The following ST3GAL1 variants were observed in gnomAD, a reference collection of about 807,000 sequenced individuals.
ST3GAL1 encodes CMP-N-acetylneuraminate-beta-galactosamide-alpha-2,3-sialyltransferase 1.
ST3GAL1 carries 16 observed loss-of-function variants against 34.1 expected under a neutral mutation model. The ratio of observed to expected loss-of-function variants is 0.47; its 90% CI spans 0.32 to 0.71. ST3GAL1 has a LOEUF of 0.71. Ranked by LOEUF, ST3GAL1 falls within the 30% of genes least tolerant of loss-of-function variation. ST3GAL1 has a pLI of 0.04. For missense variants in ST3GAL1, 353 were observed against 447.4 expected (o/e 0.79, Z 1.90); for synonymous variants, 191 against 184.7 (o/e 1.03, Z -0.28).
chr8:133,486,412 G>A (rs987201226), intron 3 of ST3GAL1, among the ~76,000 whole-genome samples: 22 of 152,192 alleles, frequency 1.4e-4, no homozygotes, highest in Admixed American at 1.1e-3. Flanking sequence ...GGCTCCACCC[G>A]CTCTGAGTCA....
intron 2 of ST3GAL1, among the ~76,000 whole-genome samples, chr8:133,500,135 C>T (rs1479392250): frequency 1.3e-5 from 2 of 152,208 alleles, no homozygotes. Context: ...CAGCTGGCAG[C>T]AGCTTTGGTC....
chr8:133,466,119 C>A lies in ST3GAL1; in HGVS notation c.307-29G>T. 1 of 1,587,414 alleles carries A rather than the reference C, an allele frequency of 6.3e-7. No individual in the cohort carries two copies. Among genetic ancestry groups the A allele is most frequent in the Non-Finnish European group, 8.6e-7 (1 of 1,163,366 alleles). The stretch of plus-strand genomic sequence containing the variant: ...TGGGCGGAGGACAGAAGGTGGTCAA[C>A]CTGGCTTTGTGGCTCCAGCCTCCTG... On this transcript the variant is annotated intron_variant, in intron 5 of 9. Transcript: ENST00000522652. This position sits in a 1 kb window ranked among gnomAD's most constrained non-coding sequence, Gnocchi z 4.4.
At chr8:133,525,815 G>A (rs921616947) in intron 2 of ST3GAL1, among the ~76,000 whole-genome samples, 5 of 152,194 alleles carry the variant, frequency 3.3e-5, no homozygotes, top group African/African-American at 1.2e-4. Context: ...AATCAGAGTG[G>A]ACACTGGGAG....
intron 4 of ST3GAL1, 68 bp downstream of exon 4, chr8:133,476,210 T>G: frequency 1.6e-6 from 1 of 615,038 alleles, no homozygotes; most frequent in African/African-American, 1.8e-5. Context: ...CCCAACTGTG[T>G]CCCAGACACG....
chr8:133,529,895 C>T (rs75571887), intron 2 of ST3GAL1, among the ~76,000 whole-genome samples: 103 of 152,336 alleles, frequency 6.8e-4, no homozygotes, highest in African/African-American at 1.7e-3. Flanking sequence ...TTGCTGACCC[C>T]GGGCCCCTCT....
chr8:133,505,888 A>G (rs753427360), intron 2 of ST3GAL1, among the ~76,000 whole-genome samples: 40 of 152,318 alleles, frequency 2.6e-4, no homozygotes, highest in Non-Finnish European at 2.1e-4. Flanking sequence ...GGCGTGAGCC[A>G]CTGCACTCAC....
rs534871167 is a variant in ST3GAL1, at chr8:133,513,555, T to C, written c.-428-14366A>G. ...ATGGCACAAACAGATGGTACTGAGATGGCACGGCTCTCAAAGCCTAAAATA... is the reference window on the plus strand; with the variant it reads ...ATGGCACAAACAGATGGTACTGAGACGGCACGGCTCTCAAAGCCTAAAATA... On this transcript the variant is annotated intron_variant, in intron 2 of 9. Coordinates refer to ENST00000522652, the MANE Select transcript of ST3GAL1 (RefSeq NM_173344.3). Among the ~76,000 whole-genome samples the C allele has an allele frequency of 2.8e-3, 427 of 152,296 alleles. 4 individuals carry two copies. The highest frequency in any genetic ancestry group is 9.7e-3 in the African/African-American group (405 of 41,556).
rs1338087863 is a variant in ST3GAL1 at position 133,570,479 on chromosome 8, G to C, written c.-582+1214C>G. 1.3e-5 allele frequency: 2 copies of C among 151,690 alleles called. No individual in the cohort carries two copies. Among genetic ancestry groups the C allele is most frequent in the African/African-American group, 4.9e-5 (2 of 41,184 alleles). The allele number at this position is 151,690 out of a possible 1,614,324, so 9.4% of individuals were successfully genotyped here. On this transcript the variant is annotated intron_variant, in intron 1 of 9. Transcript: ENST00000522652. The surrounding 1 kb of genome is among the most constrained non-coding windows in gnomAD (Gnocchi z 5.6). ...GTGTCCCCTCGCCCAACACACCACCGAGCCCCGCGCATGGTACGGCCGCCG... is the reference window on the plus strand; with the variant it reads ...GTGTCCCCTCGCCCAACACACCACCCAGCCCCGCGCATGGTACGGCCGCCG...
Position 133,556,719 on chromosome 8 carries a change from C to T in ST3GAL1, c.-581-10793G>A, listed in dbSNP as rs1411941388. 6.6e-6 allele frequency among the ~76,000 whole-genome samples: 1 copy of T among 152,142 alleles called. No homozygotes were observed. The highest frequency in any genetic ancestry group is 1.5e-5 in the Non-Finnish European group (1 of 68,026). ...GCCATGGAAACCTTGCACCCAAGGA[C>T]ACGGCTGACATCATATAAAGTCTGT... On this transcript the variant is annotated intron_variant, in intron 1 of 9. Transcript: ENST00000522652. The surrounding 1 kb of genome is among the most constrained non-coding windows in gnomAD (Gnocchi z 8.9).
chr8:133,551,620 G>A (rs190496034), intron 1 of ST3GAL1, among the ~76,000 whole-genome samples: 52 of 147,816 alleles, frequency 3.5e-4, no homozygotes, highest in Non-Finnish European at 4.7e-4. Context: ...GAAAGAAAGA[G>A]CGAGCAAGCC....
At chr8:133,558,710 T>C (rs566028350) in intron 1 of ST3GAL1, among the ~76,000 whole-genome samples, 1 of 152,300 alleles carries the variant, frequency 6.6e-6, no homozygotes, top group South Asian at 2.1e-4. Context: ...TGCAGAAGTA[T>C]TCTGATATTC....
intron 2 of ST3GAL1, among the ~76,000 whole-genome samples, chr8:133,522,749 G>A (rs573252120): frequency 1.3e-5 from 2 of 152,280 alleles, no homozygotes; most frequent in African/African-American, 4.8e-5. Flanking sequence ...TGTTAAGCAC[G>A]TGACACTCCA....
chr8:133,466,114 G>A lies in ST3GAL1; in HGVS notation c.307-24C>T. ...CTCTGTGGGCGGAGGACAGAAGGTG[G>A]TCAACCTGGCTTTGTGGCTCCAGCC... On this transcript the variant is annotated intron_variant, in intron 5 of 9. Coordinates refer to ENST00000522652, the MANE Select transcript of ST3GAL1 (RefSeq NM_173344.3). The surrounding 1 kb of genome is among the most constrained non-coding windows in gnomAD (Gnocchi z 4.4). 2 of 1,593,044 alleles carry A rather than the reference G, an allele frequency of 1.3e-6. No homozygotes were observed. The highest frequency in any genetic ancestry group is 1.7e-6 in the Non-Finnish European group (2 of 1,166,554).
intron 2 of ST3GAL1, among the ~76,000 whole-genome samples, chr8:133,500,214 T>C (rs1817103703): frequency 6.6e-6 from 1 of 152,138 alleles, no homozygotes; most frequent in Non-Finnish European, 1.5e-5. Context: ...AAGAACTTTC[T>C]GAGCTGTTAA....
At chr8:133,542,766 A>G (rs11776993) in intron 2 of ST3GAL1, among the ~76,000 whole-genome samples, 87,672 of 141,508 alleles carry the variant, frequency 0.62, 29,410 homozygotes, top group East Asian at 0.94. Flanking sequence ...GGGTGAAAGT[A>G]ACTCCTCCAT....
At chr8:133,557,229 G>T (rs1586668384) in intron 1 of ST3GAL1, among the ~76,000 whole-genome samples, 1 of 152,324 alleles carries the variant, frequency 6.6e-6, no homozygotes, top group East Asian at 1.9e-4. Flanking sequence ...ATACAAGCTT[G>T]CTCACCGGGA....
chr8:133,528,175 A>T (rs992298006), intron 2 of ST3GAL1, among the ~76,000 whole-genome samples: 6 of 152,086 alleles, frequency 3.9e-5, no homozygotes, highest in African/African-American at 1.4e-4. Context: ...CTCTGTCTCA[A>T]ATAAAAGAAA....
At chr8:133,525,844 C>A (rs564483453) in intron 2 of ST3GAL1, among the ~76,000 whole-genome samples, 2 of 152,098 alleles carry the variant, frequency 1.3e-5, no homozygotes, top group East Asian at 1.9e-4. Flanking sequence ...TGCCAGGGAG[C>A]GGGAGCAGGC....
chr8:133,540,748 T>C (rs9694277), intron 2 of ST3GAL1, among the ~76,000 whole-genome samples: 1 of 56,378 alleles, frequency 1.8e-5, no homozygotes, highest in African/African-American at 8.5e-5. Context: ...TATATAGACA[T>C]ATATATATAT....
Sources: allele counts gnomAD v4.1 joint callset (sites outside exome capture counted in the v4.1 genomes callset), GRCh38; gene constraint gnomAD v4.1.1; non-coding constraint Gnocchi (gnomAD v3.1); transcripts MANE v1.5; gene names NCBI Gene and HGNC (gene_info 2026-07-23, HGNC 2026-07-21).